The following NUSAP1 variants were observed in gnomAD, a reference collection of about 807,000 sequenced individuals.
NUSAP1 encodes the protein nucleolar and spindle-associated protein 1.
A neutral mutation model predicts 52.8 loss-of-function variants in NUSAP1; 32 were observed. The observed-to-expected ratio is 0.61, with a 90% confidence interval of 0.46 to 0.81. The LOEUF (loss-of-function observed/expected upper bound fraction) is 0.81, where lower values mean the gene tolerates loss of function less well. Ranked by LOEUF, NUSAP1 falls within the 40% of genes least tolerant of loss-of-function variation. The pLI is 0.00. For synonymous variants in NUSAP1, 195 were observed against 183.1 expected (o/e 1.06, Z -0.52); for missense variants, 499 against 522.3 (o/e 0.96, Z 0.43).
intron 2 of NUSAP1, among the ~76,000 whole-genome samples, chr15:41,348,298 C>G (rs542058059): frequency 1.3e-5 from 2 of 152,088 alleles, no homozygotes; most frequent in Non-Finnish European, 2.9e-5. Context: ...AGGCTGGTCT[C>G]GAAATCCTGA....
intron 2 of NUSAP1, among the ~76,000 whole-genome samples, chr15:41,347,563 C>T (rs572249250): frequency 6.6e-6 from 1 of 152,196 alleles, no homozygotes; most frequent in Non-Finnish European, 1.5e-5. Context: ...CTCCTGTAAT[C>T]CCAGCACTTT....
At chr15:41,338,161 C>T (rs2048235639) in intron 1 of NUSAP1, among the ~76,000 whole-genome samples, 1 of 151,926 alleles carries the variant, frequency 6.6e-6, no homozygotes, top group Non-Finnish European at 1.5e-5. Context: ...TTTCAAACTC[C>T]TGACCTCAAG....
intron 7 of NUSAP1, among the ~76,000 whole-genome samples, chr15:41,366,619 A>C (rs906641070): frequency 6.6e-6 from 1 of 152,036 alleles, no homozygotes; most frequent in Non-Finnish European, 1.5e-5. Flanking sequence ...TTCTCATTCA[A>C]ATCATGAATT....
At position 41,356,041 on chromosome 15, in the gene NUSAP1, AAC is replaced by A; in HGVS notation, c.453_454del (p.Asn151LysfsTer17). On this transcript the variant is annotated frameshift_variant, in exon 5 of 11. Transcript: ENST00000559596. LOFTEE classifies it high-confidence loss of function. ...QEAENAVSSG[N>X]RDSKVPSEGK... ...TATTTCTGTGTCTTTGGATTTAGGT[AAC>A]AGAGATTCAAAGGTACCTTCAGAAG... 2.5e-6 allele frequency: 4 copies of A among 1,575,422 alleles called. No homozygotes were observed. Among genetic ancestry groups the A allele is most frequent in the Non-Finnish European group, 3.5e-6 (4 of 1,148,878 alleles).
chr15:41,345,431 TCTC>T (rs1595540023), intron 2 of NUSAP1: 1 of 416,736 alleles, frequency 2.4e-6, no homozygotes, highest in East Asian at 7.8e-5. Context: ...AAAAATCTCT[TCTC>T]CTTTGAAATT....
intron 5 of NUSAP1, among the ~76,000 whole-genome samples, chr15:41,357,592 C>T (rs769649061): frequency 3.3e-5 from 5 of 151,738 alleles, no homozygotes; most frequent in South Asian, 2.1e-4. Flanking sequence ...TACAGGCGTG[C>T]GCCACCACAC....
intron 6 of NUSAP1, among the ~76,000 whole-genome samples, chr15:41,363,683 C>A (rs1419826782): frequency 6.6e-6 from 1 of 151,988 alleles, no homozygotes; most frequent in African/African-American, 2.4e-5. Flanking sequence ...TATTTCTAGT[C>A]CCTGTATTTA....
intron 2 of NUSAP1, 144 bp from the exon 3 acceptor site, chr15:41,348,954 C>T: frequency 1.3e-6 from 1 of 765,740 alleles, no homozygotes; most frequent in Non-Finnish European, 2.0e-6. Context: ...TAATTCTTGT[C>T]TTTGCCTACA....
At chr15:41,339,057 T>C (rs2048279801) in intron 1 of NUSAP1, among the ~76,000 whole-genome samples, 1 of 152,094 alleles carries the variant, frequency 6.6e-6, no homozygotes, top group Non-Finnish European at 1.5e-5. Context: ...CTCTTTCCAG[T>C]GTAATGAGAG....
intron 1 of NUSAP1, among the ~76,000 whole-genome samples, chr15:41,337,311 G>C (rs550875673): frequency 1.1e-4 from 17 of 152,196 alleles, no homozygotes; most frequent in African/African-American, 3.9e-4. Context: ...GAGACCCTAG[G>C]CTTGGCCCCA....
chr15:41,340,006 T>G (rs1048985921), intron 1 of NUSAP1, among the ~76,000 whole-genome samples: 5 of 149,436 alleles, frequency 3.3e-5, no homozygotes, highest in African/African-American at 1.2e-4. Context: ...CTCCTAACTT[T>G]GGGTGATCTT....
intron 8 of NUSAP1, among the ~76,000 whole-genome samples, chr15:41,372,644 CCT>C (rs1345466686): frequency 6.6e-6 from 1 of 152,112 alleles, no homozygotes; most frequent in Non-Finnish European, 1.5e-5. Context: ...TGTTCTACTC[CCT>C]GTCAGCATTT....
chr15:41,345,449 A>G (rs769984732), intron 2 of NUSAP1: 1 of 419,248 alleles, frequency 2.4e-6, no homozygotes, highest in South Asian at 1.7e-5. Context: ...GAAATTTATG[A>G]TCACCTATTT....
At chr15:41,342,858 T>A (rs182069438) in intron 2 of NUSAP1, among the ~76,000 whole-genome samples, 3 of 151,920 alleles carry the variant, frequency 2.0e-5, no homozygotes, top group African/African-American at 7.3e-5. Context: ...AAAAAAGATA[T>A]GCTGTTTATT....
chr15:41,348,591 T>C (rs1776290146), intron 2 of NUSAP1, among the ~76,000 whole-genome samples: 1 of 152,216 alleles, frequency 6.6e-6, no homozygotes, highest in Admixed American at 6.5e-5. Flanking sequence ...TTTGGGTTGC[T>C]AAGTGTGATT....
At chr15:41,363,343 A>C (rs973348815) in intron 6 of NUSAP1, among the ~76,000 whole-genome samples, 29 of 149,530 alleles carry the variant, frequency 1.9e-4, no homozygotes, top group Middle Eastern at 3.6e-3. Context: ...CTCTCTCTAT[A>C]TATATATACA....
chr15:41,336,703 G>A (rs1349636586), intron 1 of NUSAP1, among the ~76,000 whole-genome samples: 3 of 135,466 alleles, frequency 2.2e-5, no homozygotes, highest in Non-Finnish European at 4.6e-5. Context: ...CTAGGCTGCA[G>A]TGGCACAATC....
At chr15:41,365,848 G>T (rs2140776651) in intron 7 of NUSAP1, 1 of 197,172 alleles carries the variant, frequency 5.1e-6, no homozygotes, top group South Asian at 9.0e-5. Flanking sequence ...AGCCTCCCGA[G>T]TAGCTGGGAC....
chr15:41,342,163 G>T (rs941605758), intron 1 of NUSAP1, among the ~76,000 whole-genome samples: 14 of 152,122 alleles, frequency 9.2e-5, no homozygotes, highest in Admixed American at 7.9e-4. Flanking sequence ...GCCTCCTAGC[G>T]TGGGCATTTA....
Sources: allele counts gnomAD v4.1 joint callset (sites outside exome capture counted in the v4.1 genomes callset), GRCh38; gene constraint gnomAD v4.1.1; transcripts MANE v1.5; gene names NCBI Gene and HGNC (gene_info 2026-07-23, HGNC 2026-07-21).